Variants in CD33 observed in about 807,000 individuals in gnomAD.
CD33 encodes the protein myeloid cell surface antigen CD33.
A neutral mutation model predicts 31.4 loss-of-function variants in CD33; 25 were observed. That is an observed-to-expected ratio of 0.80 (90% CI 0.58 to 1.11). The LOEUF is 1.11. Ranked by LOEUF, CD33 falls within the 50% of genes most tolerant of loss-of-function variation. The pLI is 0.00. For synonymous variants in CD33, 176 were observed against 180.6 expected, an observed-to-expected ratio of 0.97 and a Z score of 0.20; for missense variants, 407 against 448.1, an observed-to-expected ratio of 0.91 and a Z score of 0.83.
chr19:51,219,219 G>A, the CD33 span, among the ~76,000 whole-genome samples: 1 of 152,104 alleles, frequency 6.6e-6, no homozygotes, highest in East Asian at 1.9e-4. Context: ...GTATTTTGTG[G>A]TTTGCCTTGT....
chr19:51,235,896 C>A (rs985615744), intron 6 of CD33: 2 of 703,234 alleles, frequency 2.8e-6, no homozygotes, highest in Non-Finnish European at 5.2e-6. Flanking sequence ...CAGTGTTTCA[C>A]ACCTGCAATC....
chr19:51,216,223 A>AGTGTGTGT, the CD33 span, among the ~76,000 whole-genome samples: 6 of 128,486 alleles, frequency 4.7e-5, no homozygotes, highest in East Asian at 9.5e-4. Context: ...ATGTCACCCG[A>AGTGTGTGT]GTGTGTGTGT....
chr19:51,224,936 A>G, upstream of CD33: 1 of 736,946 alleles, frequency 1.4e-6, no homozygotes, highest in Non-Finnish European at 2.3e-6. Context: ...TCTCTGGCCC[A>G]TGAGGGTCAA....
chr19:51,237,948 T>C (rs930955948), intron 6 of CD33: 2 of 152,236 alleles, frequency 1.3e-5, no homozygotes, highest in Non-Finnish European at 2.9e-5. Context: ...GAAATTGGGT[T>C]CCGGATACAT....
chr19:51,225,016 T>C, upstream of CD33: 7 of 1,433,408 alleles, frequency 4.9e-6, no homozygotes, highest in South Asian at 4.8e-5. Context: ...GGCTGAGGTC[T>C]CCTGCTCCTC....
chr19:51,214,112 G>A, the CD33 span, among the ~76,000 whole-genome samples: 14 of 149,716 alleles, frequency 9.4e-5, no homozygotes, highest in African/African-American at 1.2e-4. Flanking sequence ...CACCTGCCTC[G>A]GCCTCCCAAA....
At chr19:51,226,287 A>G in intron 3 of CD33, 22 bp from the exon 4 acceptor site, 2 of 1,611,986 alleles carry the variant, frequency 1.2e-6, no homozygotes, top group Non-Finnish European at 1.7e-6. Flanking sequence ...CAACTGAAGG[A>G]AATCCTCTCT....
At chr19:51,227,528 A>G (rs1427731055) in intron 4 of CD33, among the ~76,000 whole-genome samples, 1 of 152,150 alleles carries the variant, frequency 6.6e-6, no homozygotes, top group Non-Finnish European at 1.5e-5. Flanking sequence ...TTTCTTGAGA[A>G]ATGTCTACTC....
the CD33 span, among the ~76,000 whole-genome samples, chr19:51,216,538 A>G: frequency 6.6e-6 from 1 of 151,946 alleles, no homozygotes. Flanking sequence ...GTGAAACCCC[A>G]TCTCTACTAA....
At chr19:51,239,457 G>A in intron 6 of CD33, 61 bp from the exon 7 acceptor site, 1 of 1,313,236 alleles carries the variant, frequency 7.6e-7, no homozygotes, top group Non-Finnish European at 1.0e-6. Flanking sequence ...GACCCTCTTT[G>A]CCTTCTCCTG....
chr19:51,213,306 C>A, the CD33 span, among the ~76,000 whole-genome samples: 1 of 151,818 alleles, frequency 6.6e-6, no homozygotes, highest in Non-Finnish European at 1.5e-5. Flanking sequence ...GATAAAGTGG[C>A]TTTTAGAATG....
intron 4 of CD33, among the ~76,000 whole-genome samples, chr19:51,226,746 A>G (rs1306557085): frequency 6.6e-6 from 1 of 151,882 alleles, no homozygotes; most frequent in African/African-American, 2.4e-5. Context: ...TCCCCTTTCT[A>G]GCTATTTGAA....
At chr19:51,218,050 G>T in the CD33 span, among the ~76,000 whole-genome samples, 1 of 152,202 alleles carries the variant, frequency 6.6e-6, no homozygotes, top group Admixed American at 6.5e-5. Context: ...TTACCCAGTA[G>T]TGGGATCATT....
upstream of CD33, among the ~76,000 whole-genome samples, chr19:51,220,520 G>A (rs904021930): frequency 6.6e-6 from 1 of 152,140 alleles, no homozygotes; most frequent in Non-Finnish European, 1.5e-5. Flanking sequence ...CTCCTTCTGT[G>A]TATATCACAT....
intron 4 of CD33, among the ~76,000 whole-genome samples, chr19:51,227,948 T>C (rs1981148144): frequency 6.6e-6 from 1 of 152,186 alleles, no homozygotes; most frequent in African/African-American, 2.4e-5. Flanking sequence ...GCACCAGTTT[T>C]CCCAGCATCA....
chr19:51,222,785 T>A (rs746060883), upstream of CD33, among the ~76,000 whole-genome samples: 30 of 152,234 alleles, frequency 2.0e-4, no homozygotes, highest in Admixed American at 5.9e-4. Flanking sequence ...TCAAATCTCA[T>A]GCAAATGTGA....
intron 4 of CD33, among the ~76,000 whole-genome samples, chr19:51,229,118 A>C (rs989679213): frequency 2.0e-5 from 3 of 152,194 alleles, no homozygotes; most frequent in Non-Finnish European, 4.4e-5. Context: ...GAATTTTAAC[A>C]CATGCTTTTT....
At chr19:51,224,704 C>G (rs562148996), upstream of CD33, among the ~76,000 whole-genome samples, 183 of 152,226 alleles carry the variant, frequency 1.2e-3, 3 homozygotes, top group Non-Finnish European at 2.1e-3. Flanking sequence ...GACTAAACAC[C>G]CCATGGATCT....
intron 2 of CD33, 76 bp from the exon 3 acceptor site, chr19:51,225,727 C>A: frequency 6.5e-7 from 1 of 1,548,070 alleles, no homozygotes; most frequent in Non-Finnish European, 8.8e-7. Flanking sequence ...GGGAGCTTGA[C>A]CAGAGGTTGA....
Sources: gnomAD v4.1 joint callset for allele counts (sites outside exome capture counted in the v4.1 genomes callset) on GRCh38, gnomAD v4.1.1 for gene constraint, MANE v1.5 for transcripts, NCBI Gene and HGNC (gene_info 2026-07-23, HGNC 2026-07-21) for gene names.